TPTE: variants seen among roughly 807,000 people sequenced by gnomAD.
TPTE encodes the protein putative tyrosine-protein phosphatase TPTE.
TPTE carries 59 observed loss-of-function variants against 84.1 expected under a neutral mutation model. The observed-to-expected ratio is 0.70, with a 90% CI of 0.57 to 0.87. TPTE has a LOEUF of 0.87. Ranked by LOEUF, TPTE falls within the 40% of genes least tolerant of loss-of-function variation. The pLI is 0.00. For synonymous variants in TPTE, 130 were observed against 223.5 expected (o/e 0.58, Z 3.73); for missense variants, 382 against 659.6 (o/e 0.58, Z 4.61).
At position 10,541,106 on chromosome 21, in the gene TPTE, C is replaced by CT. The variant is rs757797344; in HGVS notation, c.12-3dup. On this transcript the variant is annotated splice_polypyrimidine_tract_variant and splice_region_variant and intron_variant, in intron 4 of 23. Transcript: ENST00000618007. ...GGGTCTGACTCTGACCATATTTGTC[C>CT]TTTAGTCCTGATCCGACTGACCTGG... 6.2e-7 allele frequency: 1 copy of CT among 1,612,994 alleles called. No homozygotes were observed. The highest frequency in any genetic ancestry group is 8.5e-7 in the Non-Finnish European group (1 of 1,179,106).
intron 4 of TPTE, among the ~76,000 whole-genome samples, chr21:10,540,108 G>T (rs1319519921): frequency 2.6e-5 from 4 of 152,302 alleles, no homozygotes; most frequent in African/African-American, 9.6e-5. Context: ...GAAGTTACAT[G>T]TTGTCTTAGT....
intron 6 of TPTE, 143 bp downstream of exon 6, chr21:10,542,591 T>TCATCCATCCATC: frequency 1.8e-6 from 2 of 1,126,984 alleles, no homozygotes; most frequent in East Asian, 2.7e-5. Context: ...ATCCATCCAT[T>TCATCCATCCATC]CATCCATCCA....
At chr21:10,588,339 GCTTA>G (rs1206022956) in intron 17 of TPTE, among the ~76,000 whole-genome samples, 2 of 152,312 alleles carry the variant, frequency 1.3e-5, no homozygotes, top group African/African-American at 2.4e-5. Context: ...TTGGAATGAA[GCTTA>G]CTTGATCATG....
chr21:10,541,000 T>A lies in TPTE; in HGVS notation c.12-112T>A, dbSNP rs558347394. Reference sequence around the variant, plus strand: ...AGGTCAATTTAGTGATATACATACATGTGAATAATAAAAGTGTAACTGGGG... The same window carrying A: ...AGGTCAATTTAGTGATATACATACAAGTGAATAATAAAAGTGTAACTGGGG... On this transcript the variant is annotated intron_variant, in intron 4 of 23. Transcript: ENST00000618007. 70 of 1,483,990 alleles carry A rather than the reference T, an allele frequency of 4.7e-5. No individual in the cohort carries two copies. The African/African-American group carries it at 8.7e-4, about 18-fold the overall frequency. The allele number at this position is 1,483,990 out of a possible 1,614,324, so 91.9% of individuals were successfully genotyped here.
Position 10,590,479 on chromosome 21 carries a change from G to GT in TPTE, c.1048dup (p.Cys350LeufsTer8), listed in dbSNP as rs1355303643. 1 of 1,614,126 alleles carries GT rather than the reference G, an allele frequency of 6.2e-7. No homozygotes were observed. The highest frequency in any genetic ancestry group is 1.7e-5 in the Admixed American group (1 of 60,028). On this transcript the variant is annotated frameshift_variant, in exon 18 of 24. Transcript: ENST00000618007. LOFTEE classifies it high-confidence loss of function. ...TTTTCTAGATAGAACAGGAACTATG[G>GT]TTTGTGCCTTCCTTATTGCCTCTGA... is the stretch of plus-strand genomic sequence containing the variant.
intron 10 of TPTE, among the ~76,000 whole-genome samples, chr21:10,563,138 C>T (rs1013267393): frequency 1.3e-5 from 2 of 152,308 alleles, no homozygotes; most frequent in African/African-American, 2.4e-5. Context: ...AAACATTTAC[C>T]CTAGAACAGT....
intron 17 of TPTE, among the ~76,000 whole-genome samples, chr21:10,588,197 GTTTT>G (rs56003123): frequency 1.3e-5 from 2 of 149,574 alleles, no homozygotes; most frequent in African/African-American, 4.9e-5. Context: ...TTTCTTGAGT[GTTTT>G]TTTTTTTTTA....
chr21:10,539,582 C>G (rs1180178442), intron 4 of TPTE, among the ~76,000 whole-genome samples: 1 of 152,312 alleles, frequency 6.6e-6, no homozygotes, highest in Non-Finnish European at 1.5e-5. Context: ...TTTTGGTGAA[C>G]TCTTGAGTCA....
At chr21:10,523,569 C>G (rs568344175) in intron 1 of TPTE, among the ~76,000 whole-genome samples, 3 of 152,394 alleles carry the variant, frequency 2.0e-5, no homozygotes, top group East Asian at 3.9e-4. Flanking sequence ...TTTGTTCTTG[C>G]GATAGTTTAC....
chr21:10,602,427 T>TA (rs71228809), intron 22 of TPTE, among the ~76,000 whole-genome samples: 29 of 149,708 alleles, frequency 1.9e-4, no homozygotes, highest in East Asian at 7.9e-4. Flanking sequence ...GTCAAGATGC[T>TA]AAAAAAAAAA....
chr21:10,556,116 A>G (rs919346868), intron 8 of TPTE, among the ~76,000 whole-genome samples: 2 of 152,304 alleles, frequency 1.3e-5, no homozygotes, highest in African/African-American at 4.8e-5. Flanking sequence ...ATATTCATGC[A>G]TGTGCCATGT....
chr21:10,563,256 G>GGA (rs1172827896), intron 10 of TPTE, among the ~76,000 whole-genome samples: 54 of 152,384 alleles, frequency 3.5e-4, no homozygotes, highest in African/African-American at 1.2e-3. Context: ...AATGCTAAAG[G>GGA]GAGTATTTCA....
chr21:10,570,415 A>G (rs1600923995), intron 13 of TPTE, 70 bp from the exon 14 acceptor site: 1 of 1,610,314 alleles, frequency 6.2e-7, no homozygotes, highest in East Asian at 2.2e-5. Flanking sequence ...GATCATGTAT[A>G]AATTAATTTT....
chr21:10,535,334 C>T (rs1414860826), intron 3 of TPTE, among the ~76,000 whole-genome samples: 2 of 152,304 alleles, frequency 1.3e-5, no homozygotes, highest in Non-Finnish European at 2.9e-5. Context: ...ACATAACATA[C>T]ACGCATGCAT....
intron 17 of TPTE, among the ~76,000 whole-genome samples, chr21:10,581,624 G>A (rs1217616798): frequency 6.6e-6 from 1 of 152,310 alleles, no homozygotes; most frequent in African/African-American, 2.4e-5. Flanking sequence ...ATTTATAGAA[G>A]TTCTTTAAAG....
intron 6 of TPTE, among the ~76,000 whole-genome samples, chr21:10,542,775 T>A (rs1166231048): frequency 6.6e-6 from 1 of 152,304 alleles, no homozygotes; most frequent in Admixed American, 6.5e-5. Context: ...TTCCAATTCG[T>A]CTCATTGTAG....
At chr21:10,545,526 A>G (rs1169838716) in intron 7 of TPTE, among the ~76,000 whole-genome samples, 11 of 152,408 alleles carry the variant, frequency 7.2e-5, no homozygotes, top group African/African-American at 2.2e-4. Context: ...AAATGACATC[A>G]GTAGTCTTTC....
chr21:10,522,097 G>A (rs1378046702), intron 1 of TPTE, among the ~76,000 whole-genome samples: 1 of 152,070 alleles, frequency 6.6e-6, no homozygotes, highest in Admixed American at 6.6e-5. Context: ...GCCCGGTCCT[G>A]CGGAGGCTCC....
At chr21:10,587,608 G>T (rs2075390049) in intron 17 of TPTE, among the ~76,000 whole-genome samples, 1 of 152,074 alleles carries the variant, frequency 6.6e-6, no homozygotes, top group African/African-American at 2.4e-5. Flanking sequence ...GGAGTGCAAT[G>T]GCGCAGTCTT....
Sources: gnomAD v4.1 joint callset for allele counts (sites outside exome capture counted in the v4.1 genomes callset) on GRCh38, gnomAD v4.1.1 for gene constraint, MANE v1.5 for transcripts, NCBI Gene and HGNC (gene_info 2026-07-23, HGNC 2026-07-21) for gene names.